NBR1: variants seen among roughly 807,000 people sequenced by gnomAD.
NBR1 encodes the protein NBR1 autophagy cargo receptor.
NBR1 carries 59 observed loss-of-function variants against 115.5 expected under a neutral mutation model. The ratio of observed to expected loss-of-function variants is 0.51; its 90% CI spans 0.41 to 0.63. The LOEUF is 0.63. NBR1 is among the 30% of genes least tolerant of loss of function. The probability of loss-of-function intolerance (pLI) is 0.00; values close to 1 mark genes in which losing one functional copy is unlikely to be tolerated. For synonymous variants in NBR1, 373 were observed against 414.7 expected, an observed-to-expected ratio of 0.90 and a Z score of 1.22; for missense variants, 1,043 against 1,150.5, an observed-to-expected ratio of 0.91 and a Z score of 1.35.
intron 18 of NBR1, among the ~76,000 whole-genome samples, chr17:43,202,113 G>T (rs911398350): frequency 1.3e-5 from 2 of 149,930 alleles, no homozygotes; most frequent in Non-Finnish European, 3.0e-5. Flanking sequence ...CTGGGAGGCG[G>T]AGGTTGGAGT....
At chr17:43,191,088 C>CA (rs1397470966) in intron 9 of NBR1, among the ~76,000 whole-genome samples, 3 of 151,788 alleles carry the variant, frequency 2.0e-5, no homozygotes, top group East Asian at 1.9e-4. Flanking sequence ...CCCGCCTCTA[C>CA]AAAAAAAATT....
Position 43,209,911 on chromosome 17 carries a change from C to A in NBR1, c.2738C>A (p.Ser913Tyr). ...CTTGTCTCTACACAGCCAATAATTT[C>A]TGAAGATCAGACAGCAGCCCTGATG... The part of the protein sequence containing the change: ...GPPVTAQPII[S>Y]EDQTAALMAH... Residue 913 changes from serine to tyrosine, a missense_variant, in exon 21 of 21, where the codon TCT (serine) becomes TAT (tyrosine). Ser to Tyr is a moderately radical substitution (Grantham distance 144). Coordinates refer to ENST00000590996, the MANE Select transcript of NBR1 (RefSeq NM_005899.5). 6 of 1,495,362 alleles carry A rather than the reference C, an allele frequency of 4.0e-6. No individual in the cohort carries two copies. Among genetic ancestry groups the A allele is most frequent in the Non-Finnish European group, 4.5e-6 (5 of 1,123,524 alleles). The allele number at this position is 1,495,362 out of a possible 1,614,324, so 92.6% of individuals were successfully genotyped here.
intron 14 of NBR1, 76 bp downstream of exon 14, chr17:43,195,115 GT>G: frequency 2.7e-6 from 3 of 1,130,678 alleles, no homozygotes; most frequent in Non-Finnish European, 4.0e-6. Flanking sequence ...CACTGGTAGT[GT>G]TTTATTCTGA....
At chr17:43,194,864 C>A in intron 13 of NBR1, 100 bp from the exon 14 acceptor site, 1 of 861,078 alleles carries the variant, frequency 1.2e-6, no homozygotes, top group South Asian at 1.6e-5. Flanking sequence ...TGAATTTGAA[C>A]AGAGTTGAAT....
intron 20 of NBR1, chr17:43,209,436 C>A: frequency 4.0e-6 from 3 of 755,854 alleles, no homozygotes; most frequent in South Asian, 3.4e-5. Flanking sequence ...TGTAATTTCC[C>A]AAGCTGTTTT....
At chr17:43,184,475 C>T (rs907441311) in intron 5 of NBR1, among the ~76,000 whole-genome samples, 1 of 148,498 alleles carries the variant, frequency 6.7e-6, no homozygotes, top group African/African-American at 2.5e-5. Context: ...AAGCAATTCT[C>T]CTGTCTCAGC....
Position 43,210,159 on chromosome 17 carries a change from T to A in NBR1, c.*85T>A. Reference sequence around the variant, plus strand: ...GGGGTATGGGATAGAAGCCCTTGCTTATTTTTAATCTGATGAATCTGTATA... The same window carrying A: ...GGGGTATGGGATAGAAGCCCTTGCTAATTTTTAATCTGATGAATCTGTATA... On this transcript the variant is annotated 3_prime_UTR_variant, in exon 21 of 21. Transcript: ENST00000590996. 1 of 1,338,408 alleles carries A rather than the reference T, an allele frequency of 7.5e-7. No individual in the cohort carries two copies. Among genetic ancestry groups the A allele is most frequent in the Non-Finnish European group, 1.0e-6 (1 of 983,026 alleles). The allele number at this position is 1,338,408 out of a possible 1,614,324, so 82.9% of individuals were successfully genotyped here. A position where few individuals can be genotyped will look rare whatever the true frequency, so the allele number is the denominator to read the frequency against.
At chr17:43,206,463 C>CT (rs1200724104) in intron 20 of NBR1, among the ~76,000 whole-genome samples, 2 of 151,792 alleles carry the variant, frequency 1.3e-5, no homozygotes, top group African/African-American at 2.4e-5. Flanking sequence ...CAAGACCAGC[C>CT]TGGCCAATAT....
chr17:43,190,314 T>C, intron 8 of NBR1: 1 of 399,358 alleles, frequency 2.5e-6, no homozygotes, highest in Non-Finnish European at 4.7e-6. Flanking sequence ...CAAATGATCC[T>C]CTTCTCCATG....
At chr17:43,207,248 G>T (rs1432628858) in intron 20 of NBR1, among the ~76,000 whole-genome samples, 2 of 152,172 alleles carry the variant, frequency 1.3e-5, no homozygotes, top group Non-Finnish European at 2.9e-5. Context: ...ATCTATGACG[G>T]TTGGCTCCAG....
intron 6 of NBR1, 59 bp from the exon 7 acceptor site, chr17:43,188,983 G>A: frequency 8.4e-7 from 1 of 1,190,854 alleles, no homozygotes; most frequent in Non-Finnish European, 1.3e-6. Context: ...TACACTCCAG[G>A]AAAAGTATTT....
At chr17:43,171,453 C>T (rs1259120077) in intron 1 of NBR1, among the ~76,000 whole-genome samples, 151 bp downstream of exon 1, 6 of 152,202 alleles carry the variant, frequency 3.9e-5, no homozygotes, top group Admixed American at 1.3e-4. Context: ...TGAGAGAGCC[C>T]TTCATGTTCA....
At chr17:43,177,898 C>A (rs1200631330) in intron 2 of NBR1, 38 bp from the exon 3 acceptor site, 1 of 1,429,442 alleles carries the variant, frequency 7.0e-7, no homozygotes, top group South Asian at 1.4e-5. Context: ...CTTCTGTGTA[C>A]ATTATAACCT....
At chr17:43,187,797 C>T (rs1182981495) in intron 6 of NBR1, among the ~76,000 whole-genome samples, 2 of 149,296 alleles carry the variant, frequency 1.3e-5, no homozygotes, top group African/African-American at 2.5e-5. Context: ...TGTGAGCCAC[C>T]ATGCCCAGCC....
chr17:43,205,316 T>TGCACTCCA (rs1397357810), intron 20 of NBR1, among the ~76,000 whole-genome samples: 4 of 151,930 alleles, frequency 2.6e-5, no homozygotes, highest in Non-Finnish European at 4.4e-5. Flanking sequence ...ATTGTGCTAC[T>TGCACTCCA]GCACTCCAGC....
At chr17:43,183,820 C>G (rs2056733869) in intron 5 of NBR1, among the ~76,000 whole-genome samples, 1 of 152,026 alleles carries the variant, frequency 6.6e-6, no homozygotes, top group African/African-American at 2.4e-5. Context: ...CCACCACACC[C>G]AACTGTTTTT....
At position 43,181,681 on chromosome 17, in the gene NBR1, C is replaced by A. The variant is rs867579112; in HGVS notation, c.207+864C>A. On this transcript the variant is annotated intron_variant, in intron 5 of 20. Transcript: ENST00000590996. ...TCTGTCTCAAAACAAAAAAAACAAA[C>A]AAACCAAAAAACAAATATCTTGGCC... Among the ~76,000 whole-genome samples, 679 of 150,368 alleles carry A rather than the reference C, an allele frequency of 4.5e-3. 3 individuals are homozygous for A. Among genetic ancestry groups the A allele is most frequent in the Non-Finnish European group, 8.3e-3 (559 of 67,462 alleles).
At chr17:43,170,545 CA>C (rs2056326687), upstream of NBR1, 1 of 153,212 alleles carries the variant, frequency 6.5e-6, no homozygotes, top group Admixed American at 6.5e-5. Flanking sequence ...AGATAGTGTC[CA>C]AAGCAGTCTT....
intron 2 of NBR1, chr17:43,176,206 A>G (rs4239150): frequency 0.93 from 224,612 of 242,648 alleles, 106,089 homozygotes; most frequent in East Asian, 1. Flanking sequence ...ATTGGTGTGG[A>G]CTCCACCCAA....
Sources: gnomAD v4.1 joint callset for allele counts (sites outside exome capture counted in the v4.1 genomes callset) on GRCh38, gnomAD v4.1.1 for gene constraint, MANE v1.5 for transcripts, NCBI Gene and HGNC (gene_info 2026-07-23, HGNC 2026-07-21) for gene names.